Variants in ATF7IP2 observed in about 807,000 individuals in gnomAD.
The protein encoded by ATF7IP2 is activating transcription factor 7 interacting protein 2, also known as activating transcription factor 7-interacting protein 2.
Under a neutral mutation model 64.2 loss-of-function variants are expected in ATF7IP2, and 42 were observed. The observed-to-expected ratio is 0.65, with a 90% CI of 0.51 to 0.85. The LOEUF is 0.85. Among genes scored for constraint, ATF7IP2 ranks in the 40% least tolerant of loss-of-function variants. The probability of loss-of-function intolerance (pLI) is 0.00; values close to 1 mark genes in which losing one functional copy is unlikely to be tolerated. For missense variants in ATF7IP2, 933 were observed against 784.2 expected (o/e 1.19, Z -2.27); for synonymous variants, 308 against 272.8 (o/e 1.13, Z -1.27).
intron 2 of ATF7IP2, among the ~76,000 whole-genome samples, chr16:10,417,070 A>G (rs1334848063): frequency 1.3e-5 from 2 of 152,230 alleles, no homozygotes; most frequent in Non-Finnish European, 2.9e-5. Context: ...AAGTATAAGA[A>G]TCAGAGGTCA....
In ATF7IP2 at chr16:10,430,931, A is replaced by C; in HGVS notation, c.311A>C (p.His104Pro). ...NCIKPVEEIVHSETKLEQVVC... is the reference protein window; with the variant it reads ...NCIKPVEEIVPSETKLEQVVC... Reference sequence around the variant, plus strand: ...ATAAAACCAGTAGAAGAAATTGTTCATTCAGAAACAAAATTGGAACAAGTT... The same window carrying C: ...ATAAAACCAGTAGAAGAAATTGTTCCTTCAGAAACAAAATTGGAACAAGTT... Residue 104 changes from histidine (H) to proline (P), a missense_variant, in exon 5 of 14, where the codon CAT (histidine) becomes CCT (proline). His to Pro is a moderately conservative substitution (Grantham distance 77, BLOSUM62 -2). Transcript: ENST00000562102. The C allele has an allele frequency of 6.2e-7, 1 of 1,614,090 alleles. No homozygotes were observed. The highest frequency in any genetic ancestry group is 1.3e-5 in the African/African-American group (1 of 75,072).
chr16:10,451,692 A>T (rs181859612), intron 8 of ATF7IP2, among the ~76,000 whole-genome samples: 1 of 151,896 alleles, frequency 6.6e-6, no homozygotes, highest in East Asian at 1.9e-4. Context: ...ATTCTTCTCT[A>T]AACTGGTTAT....
chr16:10,404,653 A>C (rs1422808355), intron 1 of ATF7IP2, among the ~76,000 whole-genome samples: 2 of 152,110 alleles, frequency 1.3e-5, no homozygotes, highest in Non-Finnish European at 2.9e-5. Context: ...AGCAGTTCTC[A>C]TGCCACTGCC....
At chr16:10,388,202 T>C (rs1399247610) in intron 1 of ATF7IP2, among the ~76,000 whole-genome samples, 1 of 152,218 alleles carries the variant, frequency 6.6e-6, no homozygotes, top group East Asian at 1.9e-4. Context: ...ATCTCATATT[T>C]TTATATCATT....
chr16:10,462,095 A>C (rs950930816), intron 9 of ATF7IP2, among the ~76,000 whole-genome samples: 13 of 152,100 alleles, frequency 8.5e-5, no homozygotes, highest in Middle Eastern at 3.2e-3. Flanking sequence ...TTATTCTAAG[A>C]TAATGATATG....
intron 9 of ATF7IP2, among the ~76,000 whole-genome samples, chr16:10,458,683 G>A (rs1458447919): frequency 6.6e-6 from 1 of 152,048 alleles, no homozygotes; most frequent in Non-Finnish European, 1.5e-5. Flanking sequence ...TAGAAAAAAA[G>A]GGAATGTTCT....
chr16:10,457,571 T>C (rs1193894666), intron 9 of ATF7IP2, 42 bp downstream of exon 9: 2 of 1,398,542 alleles, frequency 1.4e-6, no homozygotes, highest in Non-Finnish European at 1.9e-6. Flanking sequence ...TCTAAATCTA[T>C]AATAATGAAT....
intron 1 of ATF7IP2, among the ~76,000 whole-genome samples, chr16:10,401,349 T>C (rs964405838): frequency 1.3e-5 from 2 of 151,752 alleles, no homozygotes; most frequent in Admixed American, 6.6e-5. Flanking sequence ...TTTGTATTTT[T>C]AGTAAAGACA....
Position 10,438,237 on chromosome 16 carries a change from T to TTTCATTTGATTTC in ATF7IP2, c.1095+2_1095+3insTTCATTTGATTTC. 1 of 1,593,446 alleles carries TTTCATTTGATTTC rather than the reference T, an allele frequency of 6.3e-7. No homozygotes were observed. Among genetic ancestry groups the TTTCATTTGATTTC allele is most frequent in the Non-Finnish European group, 8.5e-7 (1 of 1,172,668 alleles). ...GAAGGAATAGCTGATAAACTTTTGG[T>TTTCATTTGATTTC]AAGTTTTGATTTCATTTGAGTCTTT... On this transcript the variant is annotated splice_region_variant and intron_variant, in intron 7 of 13. Transcript: ENST00000562102.
At chr16:10,473,237 C>CA (rs1465522687) in intron 10 of ATF7IP2, among the ~76,000 whole-genome samples, 1 of 151,670 alleles carries the variant, frequency 6.6e-6, no homozygotes, top group African/African-American at 2.4e-5. Context: ...GGTAGATTTT[C>CA]AAAAAAAGAG....
chr16:10,431,845 A>T (rs1484932051), intron 5 of ATF7IP2, among the ~76,000 whole-genome samples: 2 of 119,130 alleles, frequency 1.7e-5, no homozygotes, highest in Non-Finnish European at 3.2e-5. Flanking sequence ...TTTTTTTGAG[A>T]CGGAGTCTCG....
intron 4 of ATF7IP2, among the ~76,000 whole-genome samples, chr16:10,429,744 ATTTAT>A (rs1191268325): frequency 4.4e-5 from 6 of 136,664 alleles, no homozygotes; most frequent in Non-Finnish European, 6.3e-5. Context: ...ATTTTATTTT[ATTTAT>A]TTTATTTTAT....
At chr16:10,387,244 A>G (rs1213737697) in intron 1 of ATF7IP2, 1 of 152,236 alleles carries the variant, frequency 6.6e-6, no homozygotes, top group Non-Finnish European at 1.5e-5. Flanking sequence ...TGCAAAAATG[A>G]AGCATCTGAA....
At chr16:10,442,038 T>C (rs925315969) in intron 8 of ATF7IP2, among the ~76,000 whole-genome samples, 4 of 152,220 alleles carry the variant, frequency 2.6e-5, no homozygotes, top group Non-Finnish European at 4.4e-5. Context: ...CCCCCATTAA[T>C]TGGGGTCGGA....
At chr16:10,465,093 G>T (rs764205014) in intron 9 of ATF7IP2, among the ~76,000 whole-genome samples, 45 of 152,156 alleles carry the variant, frequency 3.0e-4, no homozygotes, top group Non-Finnish European at 5.6e-4. Context: ...GCCTCCCAAA[G>T]TGGTGGAATT....
intron 10 of ATF7IP2, among the ~76,000 whole-genome samples, chr16:10,472,887 A>T (rs937302577): frequency 1.3e-5 from 2 of 151,766 alleles, no homozygotes; most frequent in Non-Finnish European, 2.9e-5. Context: ...TTAACCTTAC[A>T]TTTCCAATGA....
intron 1 of ATF7IP2, among the ~76,000 whole-genome samples, chr16:10,401,932 A>G (rs557744913): frequency 6.6e-6 from 1 of 151,468 alleles, no homozygotes; most frequent in Non-Finnish European, 1.5e-5. Context: ...GTTGTTTTGT[A>G]TTTCTGTGGT....
Position 10,482,048 on chromosome 16 carries a change from T to C in ATF7IP2, c.1848T>C (p.Cys616=). 6.2e-7 allele frequency: 1 copy of C among 1,613,990 alleles called. No individual in the cohort carries two copies. Among genetic ancestry groups the C allele is most frequent in the Non-Finnish European group, 8.5e-7 (1 of 1,179,862 alleles). Residue 616 remains cysteine (C), a synonymous_variant, in exon 14 of 14, where the codon TGT becomes TGC. Coordinates refer to ENST00000562102, the MANE Select transcript of ATF7IP2 (RefSeq NM_001393719.1). ...APVESYHLFL[C]HENSNNKLIW... ...TAGAAAGCTACCACCTCTTCCTGTG[T>C]CATGAGAACTCTAATAATAAGTTGA... is the stretch of plus-strand genomic sequence containing the variant.
chr16:10,447,724 T>C lies in ATF7IP2; in HGVS notation c.1194+7262T>C, dbSNP rs548592150. 8 of 152,334 alleles carry C rather than the reference T, an allele frequency of 5.3e-5. No individual in the cohort carries two copies. In the East Asian group the frequency reaches 1.4e-3, roughly 26 times the overall value. 9.4% of individuals were successfully genotyped at this position (152,334 alleles called of 1,614,324 possible). ...GGACAAAGAACCAGGAAGTTTATTG[T>C]TTGTACCTAACAACTTAAAGTAAGG... On this transcript the variant is annotated intron_variant, in intron 8 of 13. Coordinates refer to ENST00000562102, the MANE Select transcript of ATF7IP2 (RefSeq NM_001393719.1).
Sources: gnomAD v4.1 joint callset for allele counts (sites outside exome capture counted in the v4.1 genomes callset) on GRCh38, gnomAD v4.1.1 for gene constraint, MANE v1.5 for transcripts, NCBI Gene and HGNC (gene_info 2026-07-23, HGNC 2026-07-21) for gene names.